FNDC3B: variants seen among roughly 807,000 people sequenced by gnomAD.
FNDC3B encodes fibronectin type III domain-containing protein 3B.
In FNDC3B, 12 loss-of-function variants were observed where a neutral mutation model predicts 151.5. The observed-to-expected ratio is 0.08, with a 90% CI of 0.05 to 0.13. The LOEUF (loss-of-function observed/expected upper bound fraction) is 0.13. Ranked by LOEUF, FNDC3B falls within the 10% of genes least tolerant of loss-of-function variation. FNDC3B has a pLI of 1.00. For synonymous variants in FNDC3B, 528 were observed against 549.0 expected, an observed-to-expected ratio of 0.96 and a Z score of 0.54; for missense variants, 1,214 against 1,505.3, an observed-to-expected ratio of 0.81 and a Z score of 3.20.
chr3:172,299,764 G>T (rs1416502328), intron 9 of FNDC3B, among the ~76,000 whole-genome samples: 3 of 152,136 alleles, frequency 2.0e-5, no homozygotes, highest in Non-Finnish European at 4.4e-5. Flanking sequence ...TGGAGGCAAG[G>T]TAGCCTAGTA....
At chr3:172,209,716 G>T (rs1262851237) in intron 3 of FNDC3B, among the ~76,000 whole-genome samples, 1 of 152,158 alleles carries the variant, frequency 6.6e-6, no homozygotes, top group African/African-American at 2.4e-5. Context: ...GCTTAAAGGT[G>T]GAGTTTCACC....
intron 6 of FNDC3B, among the ~76,000 whole-genome samples, chr3:172,258,372 G>A (rs1019257694): frequency 6.6e-6 from 1 of 151,930 alleles, no homozygotes; most frequent in African/African-American, 2.4e-5. Flanking sequence ...CCTTATTACC[G>A]GTTCTTTGTA....
intron 1 of FNDC3B, among the ~76,000 whole-genome samples, chr3:172,081,455 G>A (rs1468243239): frequency 1.3e-5 from 2 of 152,044 alleles, no homozygotes; most frequent in Non-Finnish European, 2.9e-5. Flanking sequence ...TGTATGTAAA[G>A]TGACTGTTTT....
chr3:172,300,876 TG>T (rs1730875831), intron 9 of FNDC3B, among the ~76,000 whole-genome samples: 1 of 152,244 alleles, frequency 6.6e-6, no homozygotes, highest in African/African-American at 2.4e-5. Context: ...CACTGCCTAA[TG>T]CACAGTCCAT....
chr3:172,244,477 G>A (rs1410710982), intron 4 of FNDC3B, among the ~76,000 whole-genome samples: 6 of 152,008 alleles, frequency 3.9e-5, no homozygotes, highest in African/African-American at 1.4e-4. Flanking sequence ...TATTTTGGGG[G>A]AGACTTAGGC....
At chr3:172,195,311 GA>G (rs1457541925) in intron 3 of FNDC3B, among the ~76,000 whole-genome samples, 2 of 152,110 alleles carry the variant, frequency 1.3e-5, no homozygotes, top group Non-Finnish European at 1.5e-5. Context: ...AACACTGTGT[GA>G]AATTATTTTA....
chr3:172,145,365 G>A (rs1721849596), intron 3 of FNDC3B, among the ~76,000 whole-genome samples: 2 of 152,202 alleles, frequency 1.3e-5, no homozygotes. Flanking sequence ...GTCTTCTAGT[G>A]AAAATGTTAT....
intron 11 of FNDC3B, among the ~76,000 whole-genome samples, chr3:172,327,931 A>G (rs1398728496): frequency 6.6e-6 from 1 of 152,250 alleles, no homozygotes; most frequent in African/African-American, 2.4e-5. Context: ...CTGTCCAGTT[A>G]GAATGCTAAG....
intron 3 of FNDC3B, among the ~76,000 whole-genome samples, chr3:172,147,665 T>G (rs1259450182): frequency 6.6e-6 from 1 of 152,138 alleles, no homozygotes; most frequent in Admixed American, 6.5e-5. Context: ...CCCCCAGGGT[T>G]TCTGATTCAG....
chr3:172,138,496 AG>A, intron 3 of FNDC3B, among the ~76,000 whole-genome samples: 1 of 152,344 alleles, frequency 6.6e-6, no homozygotes, highest in East Asian at 1.9e-4. Flanking sequence ...TGATAATTGA[AG>A]TTAATGAGTT....
chr3:172,180,503 A>C (rs1464982833), intron 3 of FNDC3B, among the ~76,000 whole-genome samples: 1 of 152,196 alleles, frequency 6.6e-6, no homozygotes, highest in Admixed American at 6.5e-5. Flanking sequence ...GTGATCATCT[A>C]GTTTATTCAC....
At chr3:172,215,690 G>C (rs1027966072) in intron 3 of FNDC3B, among the ~76,000 whole-genome samples, 3 of 152,162 alleles carry the variant, frequency 2.0e-5, no homozygotes, top group African/African-American at 7.2e-5. Flanking sequence ...CGCCACTGCA[G>C]TCCAGCCTGG....
At chr3:172,206,795 C>T (rs1179885127) in intron 3 of FNDC3B, among the ~76,000 whole-genome samples, 5 of 151,088 alleles carry the variant, frequency 3.3e-5, no homozygotes. Context: ...ACTGACTGAA[C>T]TTAAAATTTT....
rs1201766822 is a variant in FNDC3B, at chr3:172,343,137, A to G, written c.2077+21A>G. The G allele has an allele frequency of 5.4e-5, 65 of 1,200,710 alleles. 1 individual carries two copies. In the Admixed American group the frequency reaches 1.0e-3, roughly 19 times the overall value. 74.4% of individuals were successfully genotyped at this position (1,200,710 alleles called of 1,614,324 possible). On this transcript the variant is annotated intron_variant, in intron 18 of 25. Transcript: ENST00000415807. ...GTGGGGTGAGTGAACTAACCTTCACATTGACATTGACAATTTGGACAATTG... is the reference window on the plus strand; with the variant it reads ...GTGGGGTGAGTGAACTAACCTTCACGTTGACATTGACAATTTGGACAATTG...
intron 6 of FNDC3B, among the ~76,000 whole-genome samples, chr3:172,253,001 A>G (rs1728161558): frequency 6.6e-6 from 1 of 152,242 alleles, no homozygotes; most frequent in Admixed American, 6.5e-5. Flanking sequence ...AACCATGACT[A>G]TACAAGAACT....
At chr3:172,285,698 G>A (rs1300040297) in intron 6 of FNDC3B, among the ~76,000 whole-genome samples, 2 of 152,048 alleles carry the variant, frequency 1.3e-5, no homozygotes, top group African/African-American at 2.4e-5. Context: ...TTAACATCGC[G>A]AACACTTAAA....
At chr3:172,330,504 T>A (rs777375692) in intron 12 of FNDC3B, 37 bp from the exon 13 acceptor site, 1 of 1,563,784 alleles carries the variant, frequency 6.4e-7, no homozygotes, top group South Asian at 1.2e-5. Context: ...CCTCTTCACA[T>A]GCTTCTAACT....
chr3:172,106,135 C>T (rs191980627), intron 1 of FNDC3B, among the ~76,000 whole-genome samples: 6 of 152,230 alleles, frequency 3.9e-5, no homozygotes, highest in African/African-American at 1.4e-4. Context: ...AAACTGAACA[C>T]ATACATTCTA....
chr3:172,103,768 T>C (rs985566993), intron 1 of FNDC3B, among the ~76,000 whole-genome samples: 1 of 152,190 alleles, frequency 6.6e-6, no homozygotes, highest in South Asian at 2.1e-4. Context: ...CGCAAGAACG[T>C]TTTTAAGGTT....
Sources: allele counts gnomAD v4.1 joint callset (sites outside exome capture counted in the v4.1 genomes callset), GRCh38; gene constraint gnomAD v4.1.1; transcripts MANE v1.5; gene names NCBI Gene and HGNC (gene_info 2026-07-23, HGNC 2026-07-21).